LGSN: variants seen among roughly 807,000 people sequenced by gnomAD.
The protein encoded by LGSN is lengsin, lens protein with glutamine synthetase domain.
Under a neutral mutation model 19.5 loss-of-function variants are expected in LGSN, and 21 were observed. That is an observed-to-expected ratio of 1.07 (90% confidence interval 0.76 to 1.55). LGSN has a LOEUF of 1.55. Among genes scored for constraint, LGSN ranks in the 40% most tolerant of loss-of-function variants. LGSN has a pLI of 0.00. For synonymous variants in LGSN, 257 were observed against 215.6 expected (o/e 1.19, Z -1.68); for missense variants, 673 against 608.5 (o/e 1.11, Z -1.12).
chr6:63,392,922 T>C, the LGSN span, among the ~76,000 whole-genome samples: 1 of 146,790 alleles, frequency 6.8e-6, no homozygotes, highest in Non-Finnish European at 1.5e-5. Context: ...AGTCTTGCTC[T>C]GTCGCCCAGG....
the LGSN span, among the ~76,000 whole-genome samples, chr6:63,416,718 C>A: frequency 6.6e-6 from 1 of 151,484 alleles, no homozygotes; most frequent in South Asian, 2.1e-4. Flanking sequence ...CAGGCATCCA[C>A]CACCACGCCC....
the LGSN span, among the ~76,000 whole-genome samples, chr6:63,389,338 A>G: frequency 1.3e-5 from 2 of 152,248 alleles, no homozygotes; most frequent in African/African-American, 2.4e-5. Context: ...AGGAAAGGAT[A>G]TTGAGCCTGA....
chr6:63,287,138 A>G (rs1767570138), intron 2 of LGSN, among the ~76,000 whole-genome samples: 1 of 152,094 alleles, frequency 6.6e-6, no homozygotes, highest in Non-Finnish European at 1.5e-5. Flanking sequence ...GATTTTAAGT[A>G]TGAAGCATGG....
At chr6:63,401,833 C>T in the LGSN span, among the ~76,000 whole-genome samples, 1 of 152,186 alleles carries the variant, frequency 6.6e-6, no homozygotes, top group African/African-American at 2.4e-5. Flanking sequence ...GTCAGGATTA[C>T]TTACGTAAAC....
chr6:63,414,092 C>A, the LGSN span, among the ~76,000 whole-genome samples: 1 of 152,160 alleles, frequency 6.6e-6, no homozygotes, highest in Non-Finnish European at 1.5e-5. Flanking sequence ...TGCTTCATAA[C>A]TATGATCAAG....
At chr6:63,417,681 G>T in the LGSN span, among the ~76,000 whole-genome samples, 1 of 152,160 alleles carries the variant, frequency 6.6e-6, no homozygotes, top group Admixed American at 6.5e-5. Context: ...CTATGTAAAA[G>T]TGTGGCAGGG....
At chr6:63,347,400 T>G in the LGSN span, among the ~76,000 whole-genome samples, 1 of 152,238 alleles carries the variant, frequency 6.6e-6, no homozygotes, top group Admixed American at 6.5e-5. Flanking sequence ...TTTGGAGGGT[T>G]ATAATAATAT....
chr6:63,514,221 G>A, the LGSN span, among the ~76,000 whole-genome samples: 1 of 151,902 alleles, frequency 6.6e-6, no homozygotes. Context: ...GTTCCCTTTG[G>A]CTTTTTTTTG....
At chr6:63,454,686 G>A in the LGSN span, among the ~76,000 whole-genome samples, 2 of 151,006 alleles carry the variant, frequency 1.3e-5, no homozygotes, top group African/African-American at 4.9e-5. Flanking sequence ...TGGCCAAGCT[G>A]TTCTTGAACT....
At chr6:63,294,882 C>A (rs772178862) in intron 2 of LGSN, 31 bp downstream of exon 2, 9 of 1,611,910 alleles carry the variant, frequency 5.6e-6, no homozygotes, top group African/African-American at 4.0e-5. Context: ...TCTGACCACA[C>A]CATTTTTGAG....
the LGSN span, among the ~76,000 whole-genome samples, chr6:63,468,674 C>T: frequency 4.0e-4 from 61 of 152,088 alleles, no homozygotes; most frequent in African/African-American, 1.4e-3. Context: ...GTGATCTGCC[C>T]GCCTCAGCCT....
At chr6:63,291,382 C>A (rs1375697804) in intron 2 of LGSN, among the ~76,000 whole-genome samples, 1 of 152,142 alleles carries the variant, frequency 6.6e-6, no homozygotes, top group East Asian at 1.9e-4. Flanking sequence ...GGGGATTTTA[C>A]TGAGTGATGG....
chr6:63,426,847 T>G, the LGSN span, among the ~76,000 whole-genome samples: 1 of 152,130 alleles, frequency 6.6e-6, no homozygotes, highest in Non-Finnish European at 1.5e-5. Context: ...CTTTATTAAG[T>G]GTATGTCAAG....
intron 1 of LGSN, among the ~76,000 whole-genome samples, chr6:63,310,685 C>G (rs991900950): frequency 6.6e-6 from 1 of 152,038 alleles, no homozygotes; most frequent in Non-Finnish European, 1.5e-5. Flanking sequence ...CATATGAATG[C>G]GGTCTTTTTT....
At chr6:63,551,346 A>G in the LGSN span, among the ~76,000 whole-genome samples, 1 of 152,210 alleles carries the variant, frequency 6.6e-6, no homozygotes, top group Non-Finnish European at 1.5e-5. Context: ...GATTACAGGC[A>G]TGAGCCACTG....
chr6:63,391,318 T>A, the LGSN span, among the ~76,000 whole-genome samples: 1 of 152,194 alleles, frequency 6.6e-6, no homozygotes, highest in African/African-American at 2.4e-5. Flanking sequence ...AGAGGTTGTG[T>A]CTTAGCAACT....
At chr6:63,506,723 C>G in the LGSN span, among the ~76,000 whole-genome samples, 7 of 152,158 alleles carry the variant, frequency 4.6e-5, no homozygotes, top group African/African-American at 1.7e-4. Context: ...TTTGAACAAG[C>G]TTCTCTTCAT....
the LGSN span, among the ~76,000 whole-genome samples, chr6:63,460,057 A>G: frequency 2.7e-5 from 4 of 145,980 alleles, no homozygotes; most frequent in Admixed American, 2.1e-4. Context: ...CCACATCAAA[A>G]TCCTAGTCTT....
At position 63,280,346 on chromosome 6, in the gene LGSN, C is replaced by G. The variant is rs780163823; in HGVS notation, c.1205G>C (p.Gly402Ala). 48 of 1,614,074 alleles carry G rather than the reference C, an allele frequency of 3.0e-5. No individual in the cohort carries two copies. The highest frequency in any genetic ancestry group is 4.0e-5 in the Non-Finnish European group (47 of 1,180,040). ...GCCTAGTTTATTTTCTATCCGGGTG[C>G]CTTTCTCTCCATGACATTTGATATT... ...IFNIKCHGEK[G>A]TRIENKLGSA... Residue 402 changes from glycine to alanine, a missense_variant, in exon 4 of 4, where the codon GGC (glycine) becomes GCC (alanine). Transcript: ENST00000370657.
Sources: gnomAD v4.1 joint callset for allele counts (sites outside exome capture counted in the v4.1 genomes callset) on GRCh38, gnomAD v4.1.1 for gene constraint, MANE v1.5 for transcripts, NCBI Gene and HGNC (gene_info 2026-07-23, HGNC 2026-07-21) for gene names.